The following NCALD variants were observed in gnomAD, a reference collection of about 807,000 sequenced individuals.
NCALD encodes neurocalcin delta.
NCALD carries 10 observed loss-of-function variants against 18.6 expected under a neutral mutation model. That is an observed-to-expected ratio of 0.54 (90% CI 0.33 to 0.91). The LOEUF (loss-of-function observed/expected upper bound fraction) is 0.91. NCALD is among the 40% of genes least tolerant of loss of function. The pLI, the probability that NCALD is intolerant of heterozygous loss-of-function variation, is 0.03. For missense variants in NCALD, 184 were observed against 247.6 expected, an observed-to-expected ratio of 0.74 and a Z score of 1.72; for synonymous variants, 88 against 87.4, an observed-to-expected ratio of 1.01 and a Z score of -0.04.
chr8:101,775,851 G>C (rs1220838874), intron 1 of NCALD, among the ~76,000 whole-genome samples: 2 of 152,170 alleles, frequency 1.3e-5, no homozygotes, highest in African/African-American at 4.8e-5. Context: ...GACCTCACTA[G>C]CCTATTAGGA....
rs930426777 is a variant in NCALD, at chr8:101,920,525, T to C, written c.-156-4667A>G. ...GATTAAAACATATGTGGTACATATATACCATAGAATACTATGCAGTCATAA... is the reference window on the plus strand; with the variant it reads ...GATTAAAACATATGTGGTACATATACACCATAGAATACTATGCAGTCATAA... On this transcript the variant is annotated intron_variant, in intron 2 of 6. Coordinates refer to the NCALD transcript ENST00000311028. Among the ~76,000 whole-genome samples, 37 of 152,208 alleles carry C rather than the reference T, an allele frequency of 2.4e-4. 3 individuals carry two copies. The highest frequency in any genetic ancestry group is 1.7e-3 in the East Asian group (9 of 5,200).
At chr8:101,862,023 A>T (rs1018343042) in intron 4 of NCALD, among the ~76,000 whole-genome samples, 1 of 152,210 alleles carries the variant, frequency 6.6e-6, no homozygotes, top group Non-Finnish European at 1.5e-5. Flanking sequence ...TAATTCCACA[A>T]ATCTGCAAAA....
At chr8:101,821,300 G>C (rs747137337) in intron 4 of NCALD, among the ~76,000 whole-genome samples, 4 of 152,098 alleles carry the variant, frequency 2.6e-5, no homozygotes, top group Non-Finnish European at 4.4e-5. Flanking sequence ...TGGTAAACAG[G>C]TAGTTATTAA....
At chr8:102,077,787 T>C (rs1800231320) in intron 1 of NCALD, among the ~76,000 whole-genome samples, 1 of 152,190 alleles carries the variant, frequency 6.6e-6, no homozygotes, top group Non-Finnish European at 1.5e-5. Flanking sequence ...ATTTGACCTC[T>C]TACCTGACTG....
At chr8:101,873,326 A>C (rs1287541849) in intron 4 of NCALD, among the ~76,000 whole-genome samples, 1 of 152,162 alleles carries the variant, frequency 6.6e-6, no homozygotes, top group African/African-American at 2.4e-5. Context: ...AAGGACACTC[A>C]AGGCGGTGAA....
intron 2 of NCALD, among the ~76,000 whole-genome samples, chr8:101,972,990 A>G (rs1052849756): frequency 6.6e-6 from 1 of 152,176 alleles, no homozygotes; most frequent in African/African-American, 2.4e-5. Flanking sequence ...AAAGTGCTCC[A>G]TGAAAAAATT....
intron 2 of NCALD, among the ~76,000 whole-genome samples, chr8:102,004,382 A>T (rs950457658): frequency 1.3e-5 from 2 of 151,962 alleles, no homozygotes; most frequent in African/African-American, 4.8e-5. Flanking sequence ...ATAAAAGAGG[A>T]TACAAACAAA....
chr8:101,743,438 A>G (rs1483657762), intron 1 of NCALD, among the ~76,000 whole-genome samples: 5 of 152,322 alleles, frequency 3.3e-5, no homozygotes, highest in African/African-American at 9.6e-5. Context: ...GTCTACAACA[A>G]AGGTAGGAGT....
chr8:101,991,100 G>A (rs189548875), intron 2 of NCALD, among the ~76,000 whole-genome samples: 3 of 152,166 alleles, frequency 2.0e-5, no homozygotes, highest in Admixed American at 2.0e-4. Context: ...AGAAACGAAG[G>A]CATACTTTGT....
chr8:101,734,585 G>A (rs376210320), intron 1 of NCALD, among the ~76,000 whole-genome samples: 14 of 152,208 alleles, frequency 9.2e-5, no homozygotes, highest in African/African-American at 1.7e-4. Flanking sequence ...TTGCTGTGGC[G>A]CCAGCATCCC....
At chr8:101,838,966 C>T (rs1814528236) in intron 4 of NCALD, among the ~76,000 whole-genome samples, 1 of 152,148 alleles carries the variant, frequency 6.6e-6, no homozygotes. Context: ...GGTTATGTTT[C>T]AACTACCCAT....
At chr8:101,990,235 A>T (rs1256263465) in intron 2 of NCALD, among the ~76,000 whole-genome samples, 2 of 152,234 alleles carry the variant, frequency 1.3e-5, no homozygotes, top group African/African-American at 2.4e-5. Context: ...AGAACAGGTA[A>T]TTCTTACAAA....
chr8:101,916,590 A>G lies in NCALD; in HGVS notation c.-156-732T>C, dbSNP rs117281934. Reference sequence around the variant, plus strand: ...GGCAGAGAGTAGCAAGTTGGATAAAAGAATGAAGTCCAATTGTCTGCTGTC... The same window carrying G: ...GGCAGAGAGTAGCAAGTTGGATAAAGGAATGAAGTCCAATTGTCTGCTGTC... On this transcript the variant is annotated intron_variant, in intron 2 of 6. Transcript: ENST00000311028. Among the ~76,000 whole-genome samples, 978 of 152,262 alleles carry G rather than the reference A, an allele frequency of 6.4e-3. 5 individuals carry two copies. The highest frequency in any genetic ancestry group is 0.011 in the Non-Finnish European group (737 of 67,956).
chr8:101,702,035 T>G (rs955827938), intron 2 of NCALD, among the ~76,000 whole-genome samples: 6 of 152,126 alleles, frequency 3.9e-5, no homozygotes, highest in Admixed American at 2.0e-4. Flanking sequence ...CCAAGGTGCT[T>G]TAAGCATTTT....
intron 1 of NCALD, among the ~76,000 whole-genome samples, chr8:102,038,907 G>A (rs1370553586): frequency 6.6e-6 from 1 of 152,130 alleles, no homozygotes; most frequent in East Asian, 1.9e-4. Flanking sequence ...TCAGAAGTCA[G>A]AGAGACACAC....
intron 1 of NCALD, among the ~76,000 whole-genome samples, chr8:102,068,697 A>G (rs1425902513): frequency 6.6e-6 from 1 of 152,008 alleles, no homozygotes; most frequent in African/African-American, 2.4e-5. Flanking sequence ...GAGCACTGCA[A>G]TATTTCTTCT....
At chr8:101,947,989 A>C (rs1819243256) in intron 2 of NCALD, among the ~76,000 whole-genome samples, 1 of 152,254 alleles carries the variant, frequency 6.6e-6, no homozygotes, top group Non-Finnish European at 1.5e-5. Flanking sequence ...GAGGGTAAGC[A>C]GTAGGATGTG....
intron 1 of NCALD, among the ~76,000 whole-genome samples, chr8:102,065,269 T>C (rs1419677529): frequency 6.7e-6 from 1 of 149,422 alleles, no homozygotes; most frequent in South Asian, 2.1e-4. Flanking sequence ...TTTTTTTTCA[T>C]ATCTGCCCAT....
chr8:101,980,393 C>T (rs545468702), intron 2 of NCALD, among the ~76,000 whole-genome samples: 2 of 152,216 alleles, frequency 1.3e-5, no homozygotes, highest in East Asian at 3.9e-4. Context: ...AGCAAGGAGG[C>T]CGGATTTATT....
Sources: gnomAD v4.1 joint callset for allele counts (sites outside exome capture counted in the v4.1 genomes callset) on GRCh38, gnomAD v4.1.1 for gene constraint, MANE v1.5 for transcripts, NCBI Gene and HGNC (gene_info 2026-07-23, HGNC 2026-07-21) for gene names.